XPO7: variants seen among roughly 807,000 people sequenced by gnomAD.
The protein encoded by XPO7 is exportin-7.
Under a neutral mutation model 144.3 loss-of-function variants are expected in XPO7, and 21 were observed. That is an observed-to-expected ratio of 0.15 (90% CI 0.10 to 0.21). The LOEUF (loss-of-function observed/expected upper bound fraction) is 0.21, where lower values mean the gene tolerates loss of function less well. Ranked by LOEUF, XPO7 falls within the 10% of genes least tolerant of loss-of-function variation. XPO7 has a pLI of 1.00. For missense variants in XPO7, 808 were observed against 1,325.8 expected, an observed-to-expected ratio of 0.61 and a Z score of 6.06; for synonymous variants, 580 against 499.6, an observed-to-expected ratio of 1.16 and a Z score of -2.15.
At chr8:21,995,636 C>T (rs780466719) in intron 21 of XPO7, 37 bp downstream of exon 21, 1 of 1,485,962 alleles carries the variant, frequency 6.7e-7, no homozygotes, top group Non-Finnish European at 9.2e-7. Flanking sequence ...GCACATCTGC[C>T]CTGTTATCTG....
chr8:21,967,095 T>C, intron 2 of XPO7, 92 bp downstream of exon 2: 2 of 1,468,260 alleles, frequency 1.4e-6, no homozygotes, highest in Non-Finnish European at 1.8e-6. Flanking sequence ...ATGGCTTCTG[T>C]TCCCTGATTT....
At chr8:22,004,952 C>A in intron 27 of XPO7, 43 bp from the exon 28 acceptor site, 1 of 746,064 alleles carries the variant, frequency 1.3e-6, no homozygotes, top group Non-Finnish European at 2.1e-6. Context: ...AATACCTTTC[C>A]CCCCCACTCT....
intron 1 of XPO7, among the ~76,000 whole-genome samples, chr8:21,947,283 G>A (rs1228909949): frequency 6.6e-6 from 1 of 152,130 alleles, no homozygotes; most frequent in Admixed American, 6.5e-5. Context: ...AAGATACACT[G>A]CCTAATTTTG....
intron 9 of XPO7, among the ~76,000 whole-genome samples, chr8:21,981,185 G>A (rs1812397772): frequency 6.6e-6 from 1 of 152,160 alleles, no homozygotes; most frequent in African/African-American, 2.4e-5. Flanking sequence ...TGGTAGAATA[G>A]ATTTTAAAAT....
rs576510771 is a variant in XPO7 at position 21,927,538 on chromosome 8, C to CT, written c.18+7771dup. 6.2e-3 allele frequency among the ~76,000 whole-genome samples: 753 copies of CT among 120,488 alleles called. 3 individuals carry two copies. Among genetic ancestry groups the CT allele is most frequent in the African/African-American group, 0.012 (328 of 28,380 alleles). The allele number at this position is 120,488 out of a possible 152,430, so 79.0% of individuals were successfully genotyped here. ...AGGGTGAGACTTAAAAAAAACCAAC[C>CT]TTTTTTTTTTTTTTTTTTTTTCTTA... is the stretch of plus-strand genomic sequence containing the variant. On this transcript the variant is annotated intron_variant, in intron 1 of 27. Transcript: ENST00000252512.
intron 11 of XPO7, among the ~76,000 whole-genome samples, 157 bp downstream of exon 11, chr8:21,982,969 A>G (rs916562770): frequency 6.6e-6 from 1 of 152,230 alleles, no homozygotes; most frequent in Admixed American, 6.5e-5. Flanking sequence ...GTAGCATGAG[A>G]GCATAAAGCC....
intron 1 of XPO7, among the ~76,000 whole-genome samples, chr8:21,941,998 T>C (rs1484273635): frequency 6.6e-6 from 1 of 152,196 alleles, no homozygotes; most frequent in African/African-American, 2.4e-5. Context: ...AAGGAAGTGA[T>C]TCCTATAAAA....
rs1202975809 is a variant in XPO7, at chr8:21,980,214, C to A, written c.957+11C>A. ...CTGGAAAACCCACAGGTAAGTTTAT[C>A]TGAGAATTTACATATGTATAGGATT... On this transcript the variant is annotated intron_variant, in intron 9 of 27. Transcript: ENST00000252512. 1 of 1,572,302 alleles carries A rather than the reference C, an allele frequency of 6.4e-7. No homozygotes were observed. Among genetic ancestry groups the A allele is most frequent in the South Asian group, 1.2e-5 (1 of 85,760 alleles).
At chr8:21,999,786 G>A in intron 24 of XPO7, 112 bp downstream of exon 24, 1 of 1,392,334 alleles carries the variant, frequency 7.2e-7, no homozygotes, top group Middle Eastern at 2.0e-4. Context: ...TGCCTTGGGG[G>A]TTTGGCCATA....
intron 24 of XPO7, among the ~76,000 whole-genome samples, chr8:22,000,447 C>A (rs1813101428): frequency 6.9e-6 from 1 of 144,708 alleles, no homozygotes; most frequent in Non-Finnish European, 1.5e-5. Context: ...AGGCTACCTT[C>A]CAACAATTTT....
intron 1 of XPO7, among the ~76,000 whole-genome samples, chr8:21,927,476 C>T (rs903656814): frequency 4.7e-5 from 7 of 150,480 alleles, no homozygotes; most frequent in Non-Finnish European, 1.0e-4. Flanking sequence ...TAGAGGTTCC[C>T]AAAGGCACAT....
intron 24 of XPO7, 78 bp downstream of exon 24, chr8:21,999,752 C>A: frequency 6.4e-7 from 1 of 1,572,194 alleles, no homozygotes. Context: ...AGAATCTTGC[C>A]CCAGTGTCCA....
chr8:21,994,374 T>C lies in XPO7; in HGVS notation c.2160T>C (p.Val720=). The change falls in exon 20 of 28, where the codon GTT becomes GTC. Residue 720 remains valine, a synonymous_variant. Transcript: ENST00000252512. ...GCCTTCTACTACAGCGAACTCTAGTTGGCCTAGTAAGAGACCTGAGAGGGA... is the reference window on the plus strand; with the variant it reads ...GCCTTCTACTACAGCGAACTCTAGTCGGCCTAGTAAGAGACCTGAGAGGGA... ...FNEQEAKRTL[V]GLVRDLRGIA... is the part of the protein sequence containing the mutation. The C allele has an allele frequency of 6.2e-7, 1 of 1,612,208 alleles. No homozygotes were observed. The highest frequency in any genetic ancestry group is 8.5e-7 in the Non-Finnish European group (1 of 1,178,608).
chr8:21,980,054 C>G, intron 8 of XPO7, 30 bp from the exon 9 acceptor site: 1 of 1,533,944 alleles, frequency 6.5e-7, no homozygotes, highest in Admixed American at 2.1e-5. Flanking sequence ...TCTTTTTAAT[C>G]GTTGTGTTTG....
At chr8:21,957,403 T>C (rs562174376) in intron 1 of XPO7, among the ~76,000 whole-genome samples, 1 of 152,216 alleles carries the variant, frequency 6.6e-6, no homozygotes, top group Non-Finnish European at 1.5e-5. Flanking sequence ...TCTGAGCATG[T>C]AGCATAAATG....
In XPO7 at chr8:22,003,910, C is replaced by G; in HGVS notation, c.3050C>G (p.Ser1017Cys). Reference sequence around the variant, plus strand: ...CCACTCCTTGCCCCACAGTATTTTTCTGACCTAAGAAACAGTATTGTGAAC... The same window carrying G: ...CCACTCCTTGCCCCACAGTATTTTTGTGACCTAAGAAACAGTATTGTGAAC... ...GLILLNEKYF[S>C]DLRNSIVNSQ... The change falls in exon 27 of 28, where the codon TCT becomes TGT. Residue 1017 changes from serine to cysteine, a missense_variant. By Grantham distance (112) the Ser-to-Cys change is moderately radical. Around this residue, in one of 5 missense-constraint regions of XPO7, gnomAD observed 140 missense variants for 237.9 expected, o/e 0.59. Transcript: ENST00000252512. 6.2e-7 allele frequency: 1 copy of G among 1,613,848 alleles called. No individual in the cohort carries two copies. The highest frequency in any genetic ancestry group is 8.5e-7 in the Non-Finnish European group (1 of 1,179,822).
chr8:21,976,583 T>C, intron 7 of XPO7, 62 bp downstream of exon 7: 1 of 1,495,602 alleles, frequency 6.7e-7, no homozygotes, highest in Non-Finnish European at 9.0e-7. Flanking sequence ...GTCTGTAGAA[T>C]GATCTAAAGA....
intron 24 of XPO7, among the ~76,000 whole-genome samples, chr8:22,001,231 G>A (rs544772327): frequency 1.4e-3 from 217 of 151,944 alleles, no homozygotes; most frequent in South Asian, 5.0e-3. Flanking sequence ...ACTTGAACCC[G>A]GGAAGTAGAA....
intron 20 of XPO7, among the ~76,000 whole-genome samples, chr8:21,994,791 C>G (rs374984477): frequency 6.6e-6 from 1 of 152,148 alleles, no homozygotes; most frequent in Non-Finnish European, 1.5e-5. Context: ...CGGTGGCTCA[C>G]GCCTGTAATC....
Sources: gnomAD v4.1 joint callset for allele counts (sites outside exome capture counted in the v4.1 genomes callset) on GRCh38, gnomAD v4.1.1 for gene constraint, gnomAD v4.1.1 regional missense constraint, MANE v1.5 for transcripts, NCBI Gene and HGNC (gene_info 2026-07-23, HGNC 2026-07-21) for gene names.